The following PRIM2 variants were observed in gnomAD, a reference collection of about 807,000 sequenced individuals.
The protein encoded by PRIM2 is DNA primase large subunit.
A neutral mutation model predicts 67.3 loss-of-function variants in PRIM2; 39 were observed. That is an observed-to-expected ratio of 0.58 (90% CI 0.45 to 0.76). The LOEUF is 0.76. PRIM2 is among the 30% of genes least tolerant of loss of function. The pLI is 0.00. For synonymous variants in PRIM2, 143 were observed against 198.7 expected, an observed-to-expected ratio of 0.72 and a Z score of 2.36; for missense variants, 398 against 598.7, an observed-to-expected ratio of 0.66 and a Z score of 3.50.
At chr6:57,330,419 C>A (rs1336866394) in intron 5 of PRIM2, among the ~76,000 whole-genome samples, 2 of 141,216 alleles carry the variant, frequency 1.4e-5, no homozygotes, top group Non-Finnish European at 3.0e-5. Context: ...TGCACTGTAG[C>A]CGAGGCTGGA....
At chr6:57,411,131 C>A (rs1581878403) in intron 7 of PRIM2, among the ~76,000 whole-genome samples, 1 of 151,786 alleles carries the variant, frequency 6.6e-6, no homozygotes, top group South Asian at 2.1e-4. Context: ...ACCTATCCCC[C>A]CAACTCTCTC....
At chr6:57,327,380 A>G (rs1310684646) in intron 5 of PRIM2, among the ~76,000 whole-genome samples, 3 of 152,232 alleles carry the variant, frequency 2.0e-5, no homozygotes, top group East Asian at 1.9e-4. Context: ...GGTGAAAGAC[A>G]TTGTCCTGTC....
chr6:57,560,702 G>T (rs1302249692), intron 10 of PRIM2, among the ~76,000 whole-genome samples: 2 of 151,532 alleles, frequency 1.3e-5, no homozygotes, highest in Admixed American at 6.6e-5. Flanking sequence ...CTCCATCAAA[G>T]CACTTGGGTG....
At chr6:57,416,823 A>G (rs1771279065) in intron 7 of PRIM2, among the ~76,000 whole-genome samples, 1 of 151,832 alleles carries the variant, frequency 6.6e-6, no homozygotes, top group African/African-American at 2.4e-5. Flanking sequence ...CAGCTTCCCC[A>G]CCTTTCTCAG....
At chr6:57,536,802 G>C (rs1775011966) in intron 9 of PRIM2, among the ~76,000 whole-genome samples, 1 of 152,194 alleles carries the variant, frequency 6.6e-6, no homozygotes, top group Non-Finnish European at 1.5e-5. Context: ...CCAGATCAGT[G>C]GTTGCCAAAG....
chr6:57,260,420 G>C, the PRIM2 span, among the ~76,000 whole-genome samples: 1 of 152,284 alleles, frequency 6.6e-6, no homozygotes, highest in African/African-American at 2.4e-5. Flanking sequence ...GTATTCTAAA[G>C]TGAAAAATGT....
intron 10 of PRIM2, among the ~76,000 whole-genome samples, chr6:57,539,650 G>A (rs1775098974): frequency 9.6e-6 from 1 of 104,286 alleles, no homozygotes; most frequent in African/African-American, 4.8e-5. Flanking sequence ...GTGTGTGTGT[G>A]TGTGTGTATA....
Position 57,620,918 on chromosome 6 carries a change from G to A in PRIM2, c.1231-11215G>A, listed in dbSNP as rs1208673649. Among the ~76,000 whole-genome samples the A allele has an allele frequency of 6.6e-5, 10 of 152,398 alleles. No individual in the cohort carries two copies. In the South Asian group the frequency reaches 1.9e-3, roughly 28 times the overall value. On this transcript the variant is annotated intron_variant, in intron 12 of 13. Coordinates refer to ENST00000615550, the MANE Select transcript of PRIM2 (RefSeq NM_000947.5). Reference sequence around the variant, plus strand: ...TCATGTAAATGGACACTGAAAGCAAGCAGGGGTAGCTGTTCTTATATCAGA... The same window carrying A: ...TCATGTAAATGGACACTGAAAGCAAACAGGGGTAGCTGTTCTTATATCAGA...
At chr6:57,389,701 T>C (rs1770267165) in intron 7 of PRIM2, among the ~76,000 whole-genome samples, 1 of 152,210 alleles carries the variant, frequency 6.6e-6, no homozygotes, top group Non-Finnish European at 1.5e-5. Flanking sequence ...AAAATATGCT[T>C]TGTAGGCACT....
At chr6:57,558,476 A>G (rs1240471760) in intron 10 of PRIM2, among the ~76,000 whole-genome samples, 2 of 152,112 alleles carry the variant, frequency 1.3e-5, no homozygotes, top group Non-Finnish European at 2.9e-5. Flanking sequence ...TTGGTAACAT[A>G]ATAAAGGACC....
the PRIM2 span, among the ~76,000 whole-genome samples, chr6:57,254,819 C>T: frequency 1.3e-5 from 2 of 152,114 alleles, no homozygotes; most frequent in African/African-American, 2.4e-5. Context: ...AGTAAATTTA[C>T]CGAGGCTCCA....
At chr6:57,573,500 G>T (rs1355543130) in intron 10 of PRIM2, among the ~76,000 whole-genome samples, 1 of 151,870 alleles carries the variant, frequency 6.6e-6, no homozygotes, top group Non-Finnish European at 1.5e-5. Flanking sequence ...TTATAAAACA[G>T]AATAGAAAAT....
At chr6:57,464,421 G>A (rs1773119602) in intron 7 of PRIM2, among the ~76,000 whole-genome samples, 1 of 152,012 alleles carries the variant, frequency 6.6e-6, no homozygotes, top group African/African-American at 2.4e-5. Flanking sequence ...GGAATTACAG[G>A]CACGTGCCAC....
chr6:57,360,178 C>T (rs1187027208), intron 5 of PRIM2, among the ~76,000 whole-genome samples: 2 of 152,070 alleles, frequency 1.3e-5, no homozygotes, highest in Non-Finnish European at 2.9e-5. Context: ...ATGGTGAATA[C>T]CAATATGTTC....
At chr6:57,563,159 AGCC>A (rs1193758240) in intron 10 of PRIM2, among the ~76,000 whole-genome samples, 9 of 152,158 alleles carry the variant, frequency 5.9e-5, no homozygotes, top group Non-Finnish European at 1.2e-4. Context: ...TTTCCAGTAT[AGCC>A]TCTGTGAATA....
Position 57,530,084 on chromosome 6 carries a change from C to A in PRIM2, c.762-2327C>A, listed in dbSNP as rs1195185996. Among the ~76,000 whole-genome samples, 95 of 152,278 alleles carry A rather than the reference C, an allele frequency of 6.2e-4. 3 individuals are homozygous for A. Among genetic ancestry groups the A allele is most frequent in the South Asian group, 4.6e-3 (22 of 4,828 alleles). On this transcript the variant is annotated intron_variant, in intron 8 of 13. Coordinates refer to ENST00000615550, the MANE Select transcript of PRIM2 (RefSeq NM_000947.5). ...ATTAATCCTCTATCCATTAATCCCA[C>A]CTCTCAATACTGCCACATTAGGGAT...
chr6:57,504,379 C>T (rs1213813471), intron 7 of PRIM2, among the ~76,000 whole-genome samples: 1 of 151,892 alleles, frequency 6.6e-6, no homozygotes, highest in Non-Finnish European at 1.5e-5. Flanking sequence ...CAAAATTTAC[C>T]CAGTAATACT....
the PRIM2 span, among the ~76,000 whole-genome samples, chr6:57,241,807 G>C: frequency 6.6e-6 from 1 of 150,884 alleles, no homozygotes; most frequent in Non-Finnish European, 1.5e-5. Context: ...CAAGTAGCTG[G>C]GACTACAGGC....
intron 12 of PRIM2, among the ~76,000 whole-genome samples, chr6:57,628,154 C>G (rs1277327453): frequency 0.39 from 59,133 of 150,700 alleles, 11,803 homozygotes; most frequent in East Asian, 0.66. Flanking sequence ...AAATAGCAAG[C>G]CATGGACTCC....
Sources: gnomAD v4.1 joint callset for allele counts (sites outside exome capture counted in the v4.1 genomes callset) on GRCh38, gnomAD v4.1.1 for gene constraint, MANE v1.5 for transcripts, NCBI Gene and HGNC (gene_info 2026-07-23, HGNC 2026-07-21) for gene names.